NALF1: variants seen among roughly 807,000 people sequenced by gnomAD.
The protein encoded by NALF1 is family with sequence similarity 155 member A.
NALF1 carries 3 observed loss-of-function variants against 48.4 expected under a neutral mutation model. The observed-to-expected ratio is 0.06, with a 90% CI of 0.03 to 0.16. NALF1 has a LOEUF of 0.16. NALF1 is among the 10% of genes least tolerant of loss of function. The pLI is 1.00. For synonymous variants in NALF1, 262 were observed against 245.7 expected, an observed-to-expected ratio of 1.07 and a Z score of -0.62; for missense variants, 526 against 571.5, an observed-to-expected ratio of 0.92 and a Z score of 0.81.
chr13:107,534,086 G>A (rs987979364), intron 1 of NALF1, among the ~76,000 whole-genome samples: 5 of 152,024 alleles, frequency 3.3e-5, no homozygotes, highest in Non-Finnish European at 5.9e-5. Flanking sequence ...TAAAAATGTG[G>A]TCATTGGCCC....
At chr13:107,555,259 T>C (rs1877426736) in intron 1 of NALF1, among the ~76,000 whole-genome samples, 1 of 149,336 alleles carries the variant, frequency 6.7e-6, no homozygotes, top group Non-Finnish European at 1.5e-5. Context: ...GTTTGATTTA[T>C]TATTAATTAA....
At chr13:107,381,218 T>G (rs1262331181) in intron 1 of NALF1, among the ~76,000 whole-genome samples, 1 of 149,710 alleles carries the variant, frequency 6.7e-6, no homozygotes, top group East Asian at 2.0e-4. Flanking sequence ...TTTTTTTTTT[T>G]GAGACAAATT....
intron 1 of NALF1, among the ~76,000 whole-genome samples, chr13:107,638,187 T>TATAGA (rs1880037753): frequency 3.8e-5 from 2 of 53,090 alleles, no homozygotes; most frequent in African/African-American, 8.9e-5. Flanking sequence ...ATATAAAGAT[T>TATAGA]TATATATATA....
At chr13:107,604,970 C>T (rs1309221167) in intron 1 of NALF1, among the ~76,000 whole-genome samples, 1 of 152,166 alleles carries the variant, frequency 6.6e-6, no homozygotes, top group Non-Finnish European at 1.5e-5. Context: ...TGCATCTTCT[C>T]ATTACAAGAA....
chr13:107,773,626 T>C (rs1877640303), intron 1 of NALF1, among the ~76,000 whole-genome samples: 1 of 150,942 alleles, frequency 6.6e-6, no homozygotes, highest in South Asian at 2.1e-4. Flanking sequence ...TTCCTTATCA[T>C]TTAAAAATAA....
At chr13:107,782,887 C>G (rs1399620986) in intron 1 of NALF1, among the ~76,000 whole-genome samples, 2 of 151,194 alleles carry the variant, frequency 1.3e-5, no homozygotes, top group African/African-American at 2.4e-5. Context: ...TGAGGAGCGT[C>G]TCCGCCCGGC....
At chr13:107,673,965 C>G (rs1881053844) in intron 1 of NALF1, among the ~76,000 whole-genome samples, 1 of 152,124 alleles carries the variant, frequency 6.6e-6, no homozygotes, top group Non-Finnish European at 1.5e-5. Context: ...GCCGGCTCCA[C>G]ATGAGCTGGG....
chr13:107,450,628 G>A lies in NALF1; in HGVS notation c.916-239873C>T, dbSNP rs367979096. 1.4e-4 allele frequency among the ~76,000 whole-genome samples: 21 copies of A among 152,308 alleles called. No individual in the cohort carries two copies. In the East Asian group the frequency reaches 3.5e-3, roughly 25 times the overall value. On this transcript the variant is annotated intron_variant, in intron 1 of 2. Transcript: ENST00000375915. ...ATGCAGGGAGAGGGGAATCAAGGGCGAGAAAGGCTGCAATGTGCAAGGCTT... is the reference window on the plus strand; with the variant it reads ...ATGCAGGGAGAGGGGAATCAAGGGCAAGAAAGGCTGCAATGTGCAAGGCTT...
intron 1 of NALF1, among the ~76,000 whole-genome samples, chr13:107,567,289 A>G (rs1020405049): frequency 6.6e-6 from 1 of 152,200 alleles, no homozygotes; most frequent in Non-Finnish European, 1.5e-5. Flanking sequence ...ACATATTTTA[A>G]TTGATAGCAA....
intron 1 of NALF1, among the ~76,000 whole-genome samples, chr13:107,335,156 C>T (rs1418676698): frequency 2.0e-5 from 3 of 152,088 alleles, no homozygotes; most frequent in African/African-American, 4.8e-5. Context: ...TGCACACAAG[C>T]TCTAGACGAA....
intron 1 of NALF1, among the ~76,000 whole-genome samples, chr13:107,301,654 A>C: frequency 6.6e-6 from 1 of 152,220 alleles, no homozygotes; most frequent in East Asian, 1.9e-4. Context: ...ATTTATTAGA[A>C]TGTAGTTATT....
At chr13:107,236,662 CATCT>C (rs1400672769) in intron 1 of NALF1, among the ~76,000 whole-genome samples, 4 of 148,054 alleles carry the variant, frequency 2.7e-5, no homozygotes, top group African/African-American at 5.0e-5. Flanking sequence ...TCTATCTATC[CATCT>C]GTCTGTCTAT....
intron 1 of NALF1, among the ~76,000 whole-genome samples, chr13:107,727,330 G>C (rs1396351436): frequency 2.6e-5 from 4 of 152,138 alleles, no homozygotes; most frequent in Non-Finnish European, 5.9e-5. Context: ...GACATTCTTT[G>C]AGTTATTCCC....
intron 1 of NALF1, among the ~76,000 whole-genome samples, chr13:107,729,775 G>A (rs983543204): frequency 8.5e-5 from 13 of 152,072 alleles, no homozygotes; most frequent in African/African-American, 2.9e-4. Context: ...CACTGCACCC[G>A]ACCCTTTGAT....
At chr13:107,399,975 TACAA>T (rs1198714681) in intron 1 of NALF1, among the ~76,000 whole-genome samples, 1 of 152,176 alleles carries the variant, frequency 6.6e-6, no homozygotes, top group Admixed American at 6.6e-5. Context: ...AATGTTTCAT[TACAA>T]ACAATCAGAC....
intron 1 of NALF1, among the ~76,000 whole-genome samples, chr13:107,532,346 C>T (rs1012909389): frequency 6.6e-6 from 1 of 152,006 alleles, no homozygotes; most frequent in African/African-American, 2.4e-5. Flanking sequence ...ATTTTTGTTT[C>T]CCTTGGCTGA....
chr13:107,767,384 G>C lies in NALF1; in HGVS notation c.915+98298C>G, dbSNP rs16971081. Among the ~76,000 whole-genome samples the C allele has an allele frequency of 0.038, 5,810 of 152,256 alleles. 559 individuals are homozygous for C. The East Asian group carries it at 0.43, about 11-fold the overall frequency. On this transcript the variant is annotated intron_variant, in intron 1 of 2. Coordinates refer to ENST00000375915, the MANE Select transcript of NALF1 (RefSeq NM_001080396.3). ...CCAAGTGTAATTGGCAGCAAAGACC[G>C]ATTGTCCCCTGCCTTGGTGTTCTGT...
At chr13:107,655,833 T>C (rs531880217) in intron 1 of NALF1, among the ~76,000 whole-genome samples, 4 of 152,080 alleles carry the variant, frequency 2.6e-5, no homozygotes, top group Non-Finnish European at 4.4e-5. Context: ...TGGAACAGAA[T>C]AGAGAACCCA....
chr13:107,742,595 C>T (rs1876672055), intron 1 of NALF1, among the ~76,000 whole-genome samples: 1 of 152,158 alleles, frequency 6.6e-6, no homozygotes, highest in Admixed American at 6.5e-5. Flanking sequence ...GAGGCTTACC[C>T]ATCCCTACAG....
Sources: allele counts gnomAD v4.1 joint callset (sites outside exome capture counted in the v4.1 genomes callset), GRCh38; gene constraint gnomAD v4.1.1; transcripts MANE v1.5; gene names NCBI Gene and HGNC (gene_info 2026-07-23, HGNC 2026-07-21).